The following ADCY2 variants were observed in gnomAD, a reference collection of about 807,000 sequenced individuals.
ADCY2 encodes the protein adenylate cyclase 2.
Under a neutral mutation model 125.2 loss-of-function variants are expected in ADCY2, and 31 were observed. That is an observed-to-expected ratio of 0.25 (90% CI 0.19 to 0.33). The LOEUF is 0.33. Ranked by LOEUF, ADCY2 falls within the 10% of genes least tolerant of loss-of-function variation. The probability of loss-of-function intolerance (pLI) is 1.00; values close to 1 mark genes in which losing one functional copy is unlikely to be tolerated. For missense variants in ADCY2, 904 were observed against 1,418.2 expected (o/e 0.64, Z 5.82); for synonymous variants, 512 against 548.4 (o/e 0.93, Z 0.93).
In ADCY2 at chr5:7,546,501, G is replaced by A. The variant is rs371431860; in HGVS notation, c.570+25602G>A. Among the ~76,000 whole-genome samples, 56 of 152,292 alleles carry A rather than the reference G, an allele frequency of 3.7e-4. No individual in the cohort carries two copies. In the South Asian group the frequency reaches 0.011, roughly 30 times the overall value. On this transcript the variant is annotated intron_variant, in intron 3 of 24. Coordinates refer to ENST00000338316, the MANE Select transcript of ADCY2 (RefSeq NM_020546.3). ...CACACAGTGTGGAAGTGGCAGAGCT[G>A]GATTCGGGGGCAGGCATGTAGATGC...
At chr5:7,692,348 G>T (rs1740730948) in intron 5 of ADCY2, 1 of 152,188 alleles carries the variant, frequency 6.6e-6, no homozygotes, top group African/African-American at 2.4e-5. Flanking sequence ...ACAGATGTCA[G>T]TGTGATATAG....
chr5:7,589,487 AAAGAAAGAAAGAAAGAAAG>A (rs1331480694), intron 3 of ADCY2, among the ~76,000 whole-genome samples: 1 of 64,742 alleles, frequency 1.5e-5, no homozygotes, highest in Admixed American at 2.4e-4. Context: ...AGAAAGAAAG[AAAGAAAGAAAGAAAGAAAG>A]AAAGAAAAGA....
At chr5:7,438,767 G>A (rs1054571779) in intron 2 of ADCY2, among the ~76,000 whole-genome samples, 9 of 152,214 alleles carry the variant, frequency 5.9e-5, no homozygotes, top group Non-Finnish European at 1.0e-4. Flanking sequence ...TTTACTGCAT[G>A]TGTCACAGAG....
intron 2 of ADCY2, among the ~76,000 whole-genome samples, chr5:7,506,310 A>T (rs1743810959): frequency 6.6e-6 from 1 of 152,200 alleles, no homozygotes; most frequent in Non-Finnish European, 1.5e-5. Flanking sequence ...TATGCAGACT[A>T]TTTTTAGATG....
At chr5:7,733,365 G>A (rs74435920) in intron 14 of ADCY2, among the ~76,000 whole-genome samples, 64 of 152,214 alleles carry the variant, frequency 4.2e-4, no homozygotes, top group East Asian at 2.3e-3. Context: ...GACAAGTCTC[G>A]CTGCGGGATT....
At chr5:7,459,766 G>A (rs1382059089) in intron 2 of ADCY2, among the ~76,000 whole-genome samples, 11 of 129,198 alleles carry the variant, frequency 8.5e-5, no homozygotes, top group South Asian at 5.1e-4. Context: ...AGCAGTTTAA[G>A]AGGTAATTTT....
chr5:7,547,784 T>C (rs1735194893), intron 3 of ADCY2, among the ~76,000 whole-genome samples: 1 of 152,232 alleles, frequency 6.6e-6, no homozygotes, highest in African/African-American at 2.4e-5. Context: ...TTTTTGACAA[T>C]GGAGCTGCTC....
At chr5:7,705,895 T>C (rs1741251579) in intron 7 of ADCY2, among the ~76,000 whole-genome samples, 1 of 152,228 alleles carries the variant, frequency 6.6e-6, no homozygotes, top group Non-Finnish European at 1.5e-5. Context: ...AAGCATGACA[T>C]ACATGCCTAT....
chr5:7,806,613 G>C (rs1009902479), intron 22 of ADCY2, among the ~76,000 whole-genome samples: 4 of 152,206 alleles, frequency 2.6e-5, no homozygotes, highest in African/African-American at 7.2e-5. Flanking sequence ...GAGAGAGAGA[G>C]AGAGACAGAG....
At chr5:7,745,621 G>A (rs1742574413) in intron 15 of ADCY2, among the ~76,000 whole-genome samples, 1 of 152,144 alleles carries the variant, frequency 6.6e-6, no homozygotes, top group South Asian at 2.1e-4. Flanking sequence ...CAGGTGGAAA[G>A]GCACACAGGC....
chr5:7,491,304 T>C (rs1450021861), intron 2 of ADCY2, among the ~76,000 whole-genome samples: 1 of 151,770 alleles, frequency 6.6e-6, no homozygotes, highest in Admixed American at 6.6e-5. Context: ...CAGGCTGGAG[T>C]GCAATGGCAC....
At chr5:7,442,676 C>G (rs1421615218) in intron 2 of ADCY2, among the ~76,000 whole-genome samples, 1 of 152,154 alleles carries the variant, frequency 6.6e-6, no homozygotes, top group Non-Finnish European at 1.5e-5. Flanking sequence ...ATTTGTTTCT[C>G]TACTTTTCTT....
chr5:7,715,147 T>C (rs1741558034), intron 11 of ADCY2, among the ~76,000 whole-genome samples: 1 of 152,186 alleles, frequency 6.6e-6, no homozygotes, highest in South Asian at 2.1e-4. Flanking sequence ...GTCACAAGAC[T>C]GCAGAGACAA....
chr5:7,785,392 G>C (rs1353242353), intron 19 of ADCY2, among the ~76,000 whole-genome samples: 2 of 152,180 alleles, frequency 1.3e-5, no homozygotes, highest in Non-Finnish European at 2.9e-5. Context: ...TCCTCCGTAG[G>C]AGCTCATGGT....
At chr5:7,501,028 G>A (rs1743541666) in intron 2 of ADCY2, among the ~76,000 whole-genome samples, 1 of 151,852 alleles carries the variant, frequency 6.6e-6, no homozygotes, top group Non-Finnish European at 1.5e-5. Context: ...GAATGATGGT[G>A]CAGGGTTTCT....
chr5:7,521,856 AT>A (rs556871021), intron 3 of ADCY2, among the ~76,000 whole-genome samples: 232 of 152,294 alleles, frequency 1.5e-3, no homozygotes, highest in African/African-American at 3.4e-3. Context: ...ATCACATCAC[AT>A]TCATTAAGAG....
chr5:7,710,429 G>A (rs1418767076), intron 10 of ADCY2, among the ~76,000 whole-genome samples: 1 of 152,196 alleles, frequency 6.6e-6, no homozygotes, highest in Non-Finnish European at 1.5e-5. Context: ...CATGTGAGGT[G>A]CTGATGAGGG....
At chr5:7,453,384 T>C (rs1470148942) in intron 2 of ADCY2, among the ~76,000 whole-genome samples, 1 of 152,190 alleles carries the variant, frequency 6.6e-6, no homozygotes, top group East Asian at 1.9e-4. Context: ...TGTTGTTGTA[T>C]GCTTTGTCAA....
At chr5:7,611,164 C>T (rs1324790443) in intron 3 of ADCY2, 1 of 152,190 alleles carries the variant, frequency 6.6e-6, no homozygotes, top group Non-Finnish European at 1.5e-5. Context: ...GACACTCTCT[C>T]TCCTTTAAAC....
Sources: gnomAD v4.1 joint callset for allele counts (sites outside exome capture counted in the v4.1 genomes callset) on GRCh38, gnomAD v4.1.1 for gene constraint, MANE v1.5 for transcripts, NCBI Gene and HGNC (gene_info 2026-07-23, HGNC 2026-07-21) for gene names.